The following VSIG10L2 variants were observed in gnomAD, a reference collection of about 807,000 sequenced individuals.
VSIG10L2 encodes V-set and immunoglobulin domain containing 10 like 2.
Under a neutral mutation model 67.1 loss-of-function variants are expected in VSIG10L2, and 56 were observed. That is an observed-to-expected ratio of 0.83 (90% CI 0.67 to 1.04). VSIG10L2 has a LOEUF of 1.04. Ranked by LOEUF, VSIG10L2 falls within the 50% of genes least tolerant of loss-of-function variation. The pLI is 0.00. For synonymous variants in VSIG10L2, 360 were observed against 396.6 expected (o/e 0.91, Z 1.10); for missense variants, 843 against 932.8 (o/e 0.90, Z 1.25).
intron 2 of VSIG10L2, 56 bp from the exon 3 acceptor site, chr11:125,948,249 G>T: frequency 8.1e-7 from 1 of 1,232,020 alleles, no homozygotes. Flanking sequence ...GCTGGACACA[G>T]CTGGGCGTGT....
chr11:125,948,015 C>T lies in VSIG10L2; in HGVS notation c.412C>T (p.His138Tyr), dbSNP rs1328338385. The T allele has an allele frequency of 8.1e-6, 10 of 1,232,246 alleles. No homozygotes were observed. Among genetic ancestry groups the T allele is most frequent in the Non-Finnish European group, 9.1e-6 (9 of 988,140 alleles). The allele number at this position is 1,232,246 out of a possible 1,614,324, so 76.3% of individuals were successfully genotyped here. Residue 138 changes from histidine to tyrosine, a missense_variant, in exon 2 of 12, where the codon CAC (histidine) becomes TAC (tyrosine). This residue lies in a region of VSIG10L2 where 446 missense variants were observed against 548.4 expected (regional missense o/e 0.81). Transcript: ENST00000686984. ...AGGQLHAAYS[H>Y]LTLAVLVPVS... is the part of the protein sequence containing the mutation. ...CGGCCAGCTCCACGCTGCCTACTCC[C>T]ACCTCACGCTGGCTGTGCTGGGTGA... is the stretch of plus-strand genomic sequence containing the variant.
rs886504503 is a variant in VSIG10L2 at position 125,946,422 on chromosome 11, G to A, written c.82+285G>A. On this transcript the variant is annotated intron_variant, in intron 1 of 11. Coordinates refer to ENST00000686984, the MANE Select transcript of VSIG10L2 (RefSeq NM_001365077.2). The surrounding 1 kb of genome is among the most constrained non-coding windows in gnomAD (Gnocchi z 4.4). The stretch of plus-strand genomic sequence containing the variant: ...AGGTTTCAGAAAGCTCCCTGGTTTT[G>A]AGGGGGATTAGGGCAATCAGGAGAT... 5.3e-5 allele frequency among the ~76,000 whole-genome samples: 8 copies of A among 152,224 alleles called. No individual in the cohort carries two copies. The highest frequency in any genetic ancestry group is 9.6e-5 in the African/African-American group (4 of 41,460).
At chr11:125,952,495 A>G (rs911790619) in intron 6 of VSIG10L2, among the ~76,000 whole-genome samples, 1 of 152,240 alleles carries the variant, frequency 6.6e-6, no homozygotes, top group African/African-American at 2.4e-5. Flanking sequence ...ATTACTGCAC[A>G]TCTCAATCTG....
At chr11:125,951,751 G>A in intron 5 of VSIG10L2, 62 bp from the exon 6 acceptor site, 1 of 1,420,080 alleles carries the variant, frequency 7.0e-7, no homozygotes, top group Non-Finnish European at 9.2e-7. Flanking sequence ...AAGGGGGATA[G>A]GGTGGAACTG....
At position 125,950,247 on chromosome 11, in the gene VSIG10L2, C is replaced by T. The variant is rs1380786908; in HGVS notation, c.943C>T (p.Leu315=). Residue 315 remains leucine (L), a synonymous_variant, in exon 4 of 12, where the codon CTG becomes TTG. Transcript: ENST00000686984. ...LYTCLARNSY[L]DTRTQTTVQL... ...CACCTGCCTGGCCCGCAACAGCTAC[C>T]TGGACACCCGCACCCAGACTACTGT... The T allele has an allele frequency of 8.1e-7, 1 of 1,232,348 alleles. No individual in the cohort carries two copies. The highest frequency in any genetic ancestry group is 1.6e-5 in the African/African-American group (1 of 64,442). 76.3% of individuals were successfully genotyped at this position (1,232,348 alleles called of 1,614,324 possible). A position where few individuals can be genotyped will look rare whatever the true frequency, so the allele number is the denominator to read the frequency against.
At chr11:125,949,962 T>TGAATGAAG (rs1258695028) in intron 3 of VSIG10L2, 52 bp from the exon 4 acceptor site, 2 of 1,231,078 alleles carry the variant, frequency 1.6e-6, no homozygotes, top group East Asian at 6.3e-5. Flanking sequence ...AGCATGTGCG[T>TGAATGAAG]GAATGAAGGA....
At chr11:125,952,954 A>C (rs1945397460) in intron 6 of VSIG10L2, among the ~76,000 whole-genome samples, 1 of 152,154 alleles carries the variant, frequency 6.6e-6, no homozygotes, top group Non-Finnish European at 1.5e-5. Context: ...CCATCGTAGG[A>C]GATTCATTGA....
At chr11:125,947,436 G>A in intron 1 of VSIG10L2, 1 of 985,418 alleles carries the variant, frequency 1.0e-6, no homozygotes, top group African/African-American at 1.7e-5. Flanking sequence ...GAGGAGTGGG[G>A]ATGTCTGCTC....
At chr11:125,951,200 CAG>C (rs1945363891) in intron 5 of VSIG10L2, 42 bp downstream of exon 5, 4 of 1,232,438 alleles carry the variant, frequency 3.2e-6, no homozygotes, top group Admixed American at 8.4e-5. Flanking sequence ...ACATTCCAGG[CAG>C]AGTGTGGGTA....
chr11:125,954,118 C>T lies in VSIG10L2; in HGVS notation c.1818C>T (p.Ser606=), dbSNP rs192608745. 6.9e-4 allele frequency: 852 copies of T among 1,232,262 alleles called. 7 individuals are homozygous for T. The highest frequency in any genetic ancestry group is 4.5e-3 in the African/African-American group (289 of 64,528). 76.3% of individuals were successfully genotyped at this position (1,232,262 alleles called of 1,614,324 possible). A position where few individuals can be genotyped will look rare whatever the true frequency, so the allele number is the denominator to read the frequency against. The part of the protein sequence containing the change: ...RYPAPPNVTI[S]RLTYGRHRRE... The stretch of plus-strand genomic sequence containing the variant: ...CAGCTCCTCCCAATGTCACCATCAG[C>T]CGCCTGACCTACGGGAGGCACCGGA... Residue 606 remains serine (S), a synonymous_variant, in exon 8 of 12, where the codon AGC becomes AGT. Transcript: ENST00000686984.
Position 125,954,335 on chromosome 11 carries a change from G to A in VSIG10L2, c.2035G>A (p.Ala679Thr). 8.1e-7 allele frequency: 1 copy of A among 1,232,080 alleles called. No homozygotes were observed. Among genetic ancestry groups the A allele is most frequent in the Non-Finnish European group, 1.0e-6 (1 of 987,990 alleles). 76.3% of individuals were successfully genotyped at this position (1,232,080 alleles called of 1,614,324 possible). A position where few individuals can be genotyped will look rare whatever the true frequency, so the allele number is the denominator to read the frequency against. Reference protein sequence around the residue: ...PGVLYAFRILALNHHTAGHPS... With the variant: ...PGVLYAFRILTLNHHTAGHPS... ...GGTCCTTTATGCCTTCCGCATCCTG[G>A]CTCTGAATCACCACACTGCAGGACA... Residue 679 changes from alanine to threonine, a missense_variant, in exon 8 of 12, where the codon GCT (alanine) becomes ACT (threonine). Around this residue, in one of 2 missense-constraint regions of VSIG10L2, gnomAD observed 397 missense variants for 384.4 expected, o/e 1.03. Transcript: ENST00000686984.
Position 125,948,468 on chromosome 11 carries a change from G to T in VSIG10L2, c.597G>T (p.Glu199Asp), listed in dbSNP as rs1352380941. Residue 199 changes from glutamate (E) to aspartate (D), a missense_variant, in exon 3 of 12, where the codon GAG becomes GAT. Physicochemically the swap from Glu to Asp is conservative, Grantham distance 45. Transcript: ENST00000686984. ...GLGEALVGVT[E>D]PLFQLDPVNR... ...GAGAGGCCCTGGTGGGGGTCACTGA[G>T]CCACTATTCCAGCTGGACCCTGTCA... 2 of 1,232,302 alleles carry T rather than the reference G, an allele frequency of 1.6e-6. No individual in the cohort carries two copies. Among genetic ancestry groups the T allele is most frequent in the Non-Finnish European group, 2.0e-6 (2 of 988,164 alleles). 76.3% of individuals were successfully genotyped at this position (1,232,302 alleles called of 1,614,324 possible). A position where few individuals can be genotyped will look rare whatever the true frequency, so the allele number is the denominator to read the frequency against.
chr11:125,955,957 G>A lies in VSIG10L2; in HGVS notation c.*43G>A, dbSNP rs991884515. 15 of 636,654 alleles carry A rather than the reference G, an allele frequency of 2.4e-5. No homozygotes were observed. The highest frequency in any genetic ancestry group is 2.5e-5 in the Non-Finnish European group (9 of 355,350). The allele number at this position is 636,654 out of a possible 1,614,324, so 39.4% of individuals were successfully genotyped here. A position where few individuals can be genotyped will look rare whatever the true frequency, so the allele number is the denominator to read the frequency against. On this transcript the variant is annotated 3_prime_UTR_variant, in exon 12 of 12. Coordinates refer to ENST00000686984, the MANE Select transcript of VSIG10L2 (RefSeq NM_001365077.2). The stretch of plus-strand genomic sequence containing the variant: ...GCAAATAGGCTTAGGGAGGGCAGGT[G>A]GGATTTGGGAAGAGCCCTTCTGTCA...
chr11:125,950,722 C>T (rs886178161), intron 4 of VSIG10L2, among the ~76,000 whole-genome samples, 188 bp from the exon 5 acceptor site: 2 of 152,100 alleles, frequency 1.3e-5, no homozygotes, highest in Non-Finnish European at 2.9e-5. Context: ...TAACCTCCTG[C>T]CCCTGACCTG....
chr11:125,952,096 G>A, intron 6 of VSIG10L2, 23 bp downstream of exon 6: 1 of 1,519,638 alleles, frequency 6.6e-7, no homozygotes, highest in Middle Eastern at 1.7e-4. Context: ...TAGCGAGTTT[G>A]TTCTGGGGCT....
intron 3 of VSIG10L2, 32 bp downstream of exon 3, chr11:125,948,612 G>T: frequency 8.1e-7 from 1 of 1,231,818 alleles, no homozygotes; most frequent in South Asian, 4.1e-5. Flanking sequence ...GGGCTGTCAG[G>T]GCTGACACCC....
chr11:125,955,696 T>C, intron 11 of VSIG10L2, 29 bp downstream of exon 11: 1 of 1,527,702 alleles, frequency 6.5e-7, no homozygotes, highest in Non-Finnish European at 8.8e-7. Flanking sequence ...AAAAGACGAC[T>C]CGTGTACAAG....
chr11:125,951,830 C>A lies in VSIG10L2; in HGVS notation c.1252C>A (p.Pro418Thr). Residue 418 changes from proline (P) to threonine (T), a missense_variant, in exon 6 of 12, where the codon CCT becomes ACT. This residue lies in a region of VSIG10L2 where 446 missense variants were observed against 548.4 expected (regional missense o/e 0.81). Coordinates refer to ENST00000686984, the MANE Select transcript of VSIG10L2 (RefSeq NM_001365077.2). ...CCTTCCAGGGGAGCCTCTCGGGAGGCCTACCTGCTGGAGCACAGCCACAAT... is the reference window on the plus strand; with the variant it reads ...CCTTCCAGGGGAGCCTCTCGGGAGGACTACCTGCTGGAGCACAGCCACAAT... Reference protein sequence around the residue: ...TVMLWEPLGRPTCWSTATMGD... With the variant: ...TVMLWEPLGRTTCWSTATMGD... The A allele has an allele frequency of 6.6e-7, 1 of 1,512,648 alleles. No individual in the cohort carries two copies. The highest frequency in any genetic ancestry group is 8.8e-7 in the Non-Finnish European group (1 of 1,132,784). The allele number at this position is 1,512,648 out of a possible 1,614,324, so 93.7% of individuals were successfully genotyped here.
chr11:125,954,102 C>T lies in VSIG10L2; in HGVS notation c.1802C>T (p.Pro601Leu). 1 of 1,232,238 alleles carries T rather than the reference C, an allele frequency of 8.1e-7. No individual in the cohort carries two copies. The highest frequency in any genetic ancestry group is 1.0e-6 in the Non-Finnish European group (1 of 988,052). The allele number at this position is 1,232,238 out of a possible 1,614,324, so 76.3% of individuals were successfully genotyped here. Residue 601 changes from proline to leucine, a missense_variant, in exon 8 of 12, where the codon CCC becomes CTC. Coordinates refer to ENST00000686984, the MANE Select transcript of VSIG10L2 (RefSeq NM_001365077.2). The stretch of plus-strand genomic sequence containing the variant: ...CCTCACCCAGGATATCCAGCTCCTC[C>T]CAATGTCACCATCAGCCGCCTGACC... ...LLEVLRYPAP[P>L]NVTISRLTYG... is the part of the protein sequence containing the mutation.
Sources: gnomAD v4.1 joint callset for allele counts (sites outside exome capture counted in the v4.1 genomes callset) on GRCh38, gnomAD v4.1.1 for gene constraint, gnomAD v4.1.1 regional missense constraint, Gnocchi (gnomAD v3.1) non-coding constraint, MANE v1.5 for transcripts, NCBI Gene and HGNC (gene_info 2026-07-23, HGNC 2026-07-21) for gene names.